The following GSTCD variants were observed in gnomAD, a reference collection of about 807,000 sequenced individuals.
The protein encoded by GSTCD is glutathione S-transferase C-terminal domain containing, also known as glutathione S-transferase C-terminal domain-containing protein.
A neutral mutation model predicts 68.3 loss-of-function variants in GSTCD; 44 were observed. The observed-to-expected ratio is 0.64, with a 90% CI of 0.51 to 0.83. The LOEUF (loss-of-function observed/expected upper bound fraction) is 0.83, where lower values mean the gene tolerates loss of function less well. Ranked by LOEUF, GSTCD falls within the 40% of genes least tolerant of loss-of-function variation. The probability of loss-of-function intolerance (pLI) is 0.00; values close to 1 mark genes in which losing one functional copy is unlikely to be tolerated. For missense variants in GSTCD, 739 were observed against 735.9 expected, an observed-to-expected ratio of 1.00 and a Z score of -0.05; for synonymous variants, 273 against 255.2, an observed-to-expected ratio of 1.07 and a Z score of -0.67.
At chr4:105,758,874 G>A (rs1734294177) in intron 5 of GSTCD, among the ~76,000 whole-genome samples, 1 of 152,154 alleles carries the variant, frequency 6.6e-6, no homozygotes. Flanking sequence ...CAGGCTGATA[G>A]GGAAAACTCA....
At chr4:105,833,099 T>A (rs1032006923) in intron 8 of GSTCD, among the ~76,000 whole-genome samples, 1 of 152,208 alleles carries the variant, frequency 6.6e-6, no homozygotes, top group African/African-American at 2.4e-5. Flanking sequence ...GAGATCTTGC[T>A]TTCCTCTTCC....
intron 5 of GSTCD, among the ~76,000 whole-genome samples, chr4:105,782,061 T>C (rs1461128586): frequency 6.6e-6 from 1 of 152,206 alleles, no homozygotes; most frequent in Admixed American, 6.5e-5. Flanking sequence ...GCGCATACCT[T>C]GTACAAGGTC....
chr4:105,744,612 A>G (rs1011965527), intron 5 of GSTCD, among the ~76,000 whole-genome samples: 39 of 152,314 alleles, frequency 2.6e-4, no homozygotes, highest in Admixed American at 2.4e-3. Flanking sequence ...AAGTTATCCC[A>G]GGTTGTGAGT....
chr4:105,816,725 A>C (rs1052722005), intron 5 of GSTCD, among the ~76,000 whole-genome samples: 1 of 152,042 alleles, frequency 6.6e-6, no homozygotes, highest in Admixed American at 6.6e-5. Flanking sequence ...TTCTGACATC[A>C]CAATTAATTA....
At chr4:105,765,972 T>C (rs2149239154) in intron 5 of GSTCD, among the ~76,000 whole-genome samples, 1 of 152,312 alleles carries the variant, frequency 6.6e-6, no homozygotes, top group East Asian at 1.9e-4. Context: ...TACCCAGCCT[T>C]GGACAGTTCT....
chr4:105,831,960 T>A (rs148958162), intron 8 of GSTCD, among the ~76,000 whole-genome samples: 2 of 152,118 alleles, frequency 1.3e-5, no homozygotes, highest in East Asian at 1.9e-4. Context: ...TAAATAAAAA[T>A]AAATTTTATT....
chr4:105,782,738 A>T lies in GSTCD; in HGVS notation c.1241-40216A>T, dbSNP rs562448054. Among the ~76,000 whole-genome samples the T allele has an allele frequency of 3.8e-3, 583 of 152,192 alleles. 3 individuals carry two copies. The highest frequency in any genetic ancestry group is 0.032 in the South Asian group (154 of 4,822). On this transcript the variant is annotated intron_variant, in intron 5 of 11. Transcript: ENST00000515279. ...GCTGGGATTACAGGCATGCACCATC[A>T]TGCCCAGCTAATTTTTGTATTTATA...
At chr4:105,831,845 A>T (rs1723910604) in intron 8 of GSTCD, among the ~76,000 whole-genome samples, 1 of 152,154 alleles carries the variant, frequency 6.6e-6, no homozygotes. Context: ...CTGAGGCAGG[A>T]GAATTGCTTG....
At chr4:105,754,122 C>T (rs1257094408) in intron 5 of GSTCD, among the ~76,000 whole-genome samples, 2 of 152,066 alleles carry the variant, frequency 1.3e-5, no homozygotes, top group Non-Finnish European at 2.9e-5. Flanking sequence ...AAAATCAGCT[C>T]AACTATACAA....
At chr4:105,719,998 A>G (rs551831242) in intron 3 of GSTCD, among the ~76,000 whole-genome samples, 6 of 152,050 alleles carry the variant, frequency 3.9e-5, no homozygotes, top group Non-Finnish European at 7.4e-5. Context: ...ATTGTTAGTC[A>G]CTTAAATTAA....
At chr4:105,710,663 C>T (rs920050421) in intron 1 of GSTCD, 3 of 151,964 alleles carry the variant, frequency 2.0e-5, no homozygotes, top group African/African-American at 7.3e-5. Flanking sequence ...GATATTGAAA[C>T]CATTTAGATT....
At chr4:105,765,350 T>G (rs1033503834) in intron 5 of GSTCD, among the ~76,000 whole-genome samples, 2 of 152,190 alleles carry the variant, frequency 1.3e-5, no homozygotes, top group African/African-American at 4.8e-5. Flanking sequence ...GAATTTAACA[T>G]TTAAACATAT....
chr4:105,816,435 G>T (rs935539052), intron 5 of GSTCD, among the ~76,000 whole-genome samples: 1 of 152,014 alleles, frequency 6.6e-6, no homozygotes, highest in African/African-American at 2.4e-5. Flanking sequence ...GAGACCCAAA[G>T]GTCAGTTCAT....
intron 5 of GSTCD, among the ~76,000 whole-genome samples, chr4:105,771,777 G>A (rs1002207261): frequency 2.0e-5 from 3 of 152,118 alleles, no homozygotes; most frequent in Admixed American, 2.0e-4. Flanking sequence ...CTGTAGCCTT[G>A]TAGTATAGTC....
intron 5 of GSTCD, among the ~76,000 whole-genome samples, chr4:105,771,847 ATACAGGCTC>A (rs1734862207): frequency 6.6e-6 from 1 of 152,190 alleles, no homozygotes; most frequent in South Asian, 2.1e-4. Context: ...TGTCTTGGCT[ATACAGGCTC>A]TTTTTTGGTT....
intron 1 of GSTCD, among the ~76,000 whole-genome samples, chr4:105,711,904 TTA>T (rs1732550907): frequency 6.6e-6 from 1 of 152,242 alleles, no homozygotes; most frequent in Non-Finnish European, 1.5e-5. Context: ...CTTGCTTTAT[TTA>T]TGAGTTTGGT....
At chr4:105,743,075 G>A (rs1023866706) in intron 5 of GSTCD, among the ~76,000 whole-genome samples, 7 of 151,018 alleles carry the variant, frequency 4.6e-5, no homozygotes, top group African/African-American at 1.7e-4. Flanking sequence ...TCAGCCTCCC[G>A]AGTAGCTGGG....
At chr4:105,750,793 A>G (rs1454789235) in intron 5 of GSTCD, among the ~76,000 whole-genome samples, 2 of 152,218 alleles carry the variant, frequency 1.3e-5, no homozygotes, top group East Asian at 3.8e-4. Flanking sequence ...GTGCAATGGA[A>G]TACTATTCAG....
chr4:105,835,670 C>T (rs1455463408), intron 9 of GSTCD, among the ~76,000 whole-genome samples: 1 of 151,988 alleles, frequency 6.6e-6, no homozygotes, highest in East Asian at 1.9e-4. Context: ...TGCAACATGG[C>T]GAGTGGGTGT....
Sources: allele counts gnomAD v4.1 joint callset (sites outside exome capture counted in the v4.1 genomes callset), GRCh38; gene constraint gnomAD v4.1.1; transcripts MANE v1.5; gene names NCBI Gene and HGNC (gene_info 2026-07-23, HGNC 2026-07-21).